The following HNF1B variants were observed in gnomAD, a reference collection of about 807,000 sequenced individuals.
HNF1B encodes hepatocyte nuclear factor 1-beta.
A neutral mutation model predicts 61.7 loss-of-function variants in HNF1B; 8 were observed. The observed-to-expected ratio is 0.13, with a 90% CI of 0.08 to 0.23. The LOEUF (loss-of-function observed/expected upper bound fraction) is 0.23, where lower values mean the gene tolerates loss of function less well. Among genes scored for constraint, HNF1B ranks in the 10% least tolerant of loss-of-function variants. The pLI, the probability that HNF1B is intolerant of heterozygous loss-of-function variation, is 1.00. For synonymous variants in HNF1B, 314 were observed against 287.7 expected (o/e 1.09, Z -0.93); for missense variants, 562 against 714.5 (o/e 0.79, Z 2.43).
chr17:37,726,351 G>C (rs942300412), intron 4 of HNF1B, among the ~76,000 whole-genome samples: 1 of 152,216 alleles, frequency 6.6e-6, no homozygotes, highest in Non-Finnish European at 1.5e-5. Context: ...GATGACACTA[G>C]AGATGGCTCC....
intron 8 of HNF1B, among the ~76,000 whole-genome samples, chr17:37,688,543 A>T (rs1173767742): frequency 6.6e-6 from 1 of 152,158 alleles, no homozygotes; most frequent in Non-Finnish European, 1.5e-5. Flanking sequence ...GCTAAAAGAG[A>T]GTCAGTGAAT....
Position 37,731,617 on chromosome 17 carries a change from G to A in HNF1B, c.1023C>T (p.Ser341=), listed in dbSNP as rs1367664883. The A allele has an allele frequency of 1.1e-5, 17 of 1,613,376 alleles. No homozygotes were observed. The highest frequency in any genetic ancestry group is 1.4e-5 in the Non-Finnish European group (16 of 1,179,612). Residue 341 remains serine, a synonymous_variant, in exon 4 of 9, where the codon TCC becomes TCT. Transcript: ENST00000617811. ...SHGSPHHQPS[S]SPPNKLSGVR... is the part of the protein sequence containing the mutation. ...TACCTGACAGCTTGTTTGGAGGAGA[G>A]GAGCTGGGCTGGTGGTGGGGGGAGC...
chr17:37,688,718 C>G (rs1247842317), intron 8 of HNF1B, among the ~76,000 whole-genome samples: 1 of 152,106 alleles, frequency 6.6e-6, no homozygotes, highest in African/African-American at 2.4e-5. Context: ...AGTTTCTTCC[C>G]CTATAATATG....
chr17:37,708,114 G>C (rs1276051115), intron 5 of HNF1B, among the ~76,000 whole-genome samples: 1 of 152,182 alleles, frequency 6.6e-6, no homozygotes, highest in Non-Finnish European at 1.5e-5. Context: ...CACTACTGCT[G>C]GTGAATGACC....
intron 4 of HNF1B, among the ~76,000 whole-genome samples, chr17:37,712,272 GT>G (rs2032960194): frequency 1.3e-5 from 2 of 152,246 alleles, no homozygotes; most frequent in South Asian, 4.1e-4. Flanking sequence ...TGGTGTATTG[GT>G]TTAAGGCACT....
rs766413514 is a variant in HNF1B at position 37,731,811 on chromosome 17, C to T, written c.829G>A (p.Gly277Arg). Residue 277 changes from glycine to arginine, a missense_variant, in exon 4 of 9, where the codon GGG becomes AGG. This residue lies in a region of HNF1B where 54 missense variants were observed against 122.1 expected (regional missense o/e 0.44). Transcript: ENST00000617811. ...CCGTGGGCTTTGGAGGGGGACACCC[C>T]TCGCTGCAAACATTCTGCCCTGGGA... Reference protein sequence around the residue: ...ECNRAECLQRGVSPSKAHGLG... With the variant: ...ECNRAECLQRRVSPSKAHGLG... 1 of 1,613,074 alleles carries T rather than the reference C, an allele frequency of 6.2e-7. No homozygotes were observed. The highest frequency in any genetic ancestry group is 8.5e-7 in the Non-Finnish European group (1 of 1,179,522).
intron 7 of HNF1B, 44 bp from the exon 8 acceptor site, chr17:37,699,238 C>A: frequency 6.8e-7 from 1 of 1,467,942 alleles, no homozygotes; most frequent in Non-Finnish European, 9.6e-7. Context: ...CATACACAGG[C>A]AAAGACACAG....
chr17:37,705,711 C>T (rs572605676), intron 5 of HNF1B, among the ~76,000 whole-genome samples: 1 of 152,212 alleles, frequency 6.6e-6, no homozygotes, highest in South Asian at 2.1e-4. Flanking sequence ...GTAATACAAG[C>T]ATCTGATGGT....
Position 37,744,745 on chromosome 17 carries a change from G to T in HNF1B, c.140C>A (p.Pro47His). 1 of 1,613,556 alleles carries T rather than the reference G, an allele frequency of 6.2e-7. No homozygotes were observed. The highest frequency in any genetic ancestry group is 2.2e-5 in the East Asian group (1 of 44,882). ...PNFGVKLETL[P>H]LSPGSGAEPD... ...CTCGGCCCCGCTGCCAGGGGACAGG[G>T]GCAGCGTCTCCAGCTTCACCCCGAA... The change falls in exon 1 of 9, where the codon CCC becomes CAC. Residue 47 changes from proline to histidine, a missense_variant. Physicochemically the swap from Pro to His is moderately conservative, Grantham distance 77. This residue lies in a region of HNF1B where 148 missense variants were observed against 147.3 expected (regional missense o/e 1.00). Transcript: ENST00000617811.
chr17:37,693,913 A>T (rs2032289708), intron 8 of HNF1B, among the ~76,000 whole-genome samples: 1 of 152,074 alleles, frequency 6.6e-6, no homozygotes, highest in Non-Finnish European at 1.5e-5. Flanking sequence ...CTTGCTCTTT[A>T]TCTCACCATA....
chr17:37,725,598 C>T (rs1272610950), intron 4 of HNF1B, among the ~76,000 whole-genome samples: 2 of 152,224 alleles, frequency 1.3e-5, no homozygotes, highest in Non-Finnish European at 1.5e-5. Context: ...CCACCCATGT[C>T]CGCCACTAAA....
chr17:37,705,296 C>T (rs1048244379), intron 5 of HNF1B, among the ~76,000 whole-genome samples: 18 of 66,204 alleles, frequency 2.7e-4, no homozygotes, highest in Non-Finnish European at 4.2e-4. Flanking sequence ...ATGGTGAAAT[C>T]ATCTCTACAA....
intron 3 of HNF1B, among the ~76,000 whole-genome samples, chr17:37,732,459 C>T (rs968664579): frequency 6.6e-6 from 1 of 152,196 alleles, no homozygotes; most frequent in Non-Finnish European, 1.5e-5. Context: ...GTATGGAGCA[C>T]AGCCTGAGGA....
rs758130759 is a variant in HNF1B, at chr17:37,699,149, C to T, written c.1580G>A (p.Arg527Gln). The change falls in exon 8 of 9, where the codon CGG (arginine) becomes CAG (glutamine). Residue 527 changes from arginine (R) to glutamine (Q), a missense_variant. This residue lies in a region of HNF1B where 64 missense variants were observed against 96.9 expected (regional missense o/e 0.66). Transcript: ENST00000617811. ...QEPPQYSHTS[R>Q]FPSAMVVTDT... Reference sequence around the variant, plus strand: ...TGTGACCACCATTGCAGATGGAAACCGGGAGGTGTGGGAATACTGGGGGGG... The same window carrying T: ...TGTGACCACCATTGCAGATGGAAACTGGGAGGTGTGGGAATACTGGGGGGG... 1.2e-5 allele frequency: 20 copies of T among 1,613,952 alleles called. No individual in the cohort carries two copies. Among genetic ancestry groups the T allele is most frequent in the East Asian group, 2.2e-5 (1 of 44,900 alleles).
intron 4 of HNF1B, among the ~76,000 whole-genome samples, chr17:37,717,840 T>A (rs371387409): frequency 6.6e-6 from 1 of 152,224 alleles, no homozygotes; most frequent in South Asian, 2.1e-4. Flanking sequence ...TAGTTCTTAT[T>A]AATATTTCCT....
chr17:37,706,903 A>C (rs957150956), intron 5 of HNF1B, among the ~76,000 whole-genome samples: 1 of 152,176 alleles, frequency 6.6e-6, no homozygotes, highest in African/African-American at 2.4e-5. Context: ...ATAATGACAC[A>C]AGTAGGGCAG....
In HNF1B at chr17:37,715,621, G is replaced by C. The variant is rs758653070; in HGVS notation, c.1046-4958C>G. On this transcript the variant is annotated intron_variant, in intron 4 of 8. Transcript: ENST00000617811. The stretch of plus-strand genomic sequence containing the variant: ...CCGCCTCGGTCCACTGTGTGCACTG[G>C]TAAGACACATCCATGCAATATGGAG... Among the ~76,000 whole-genome samples, 11 of 152,142 alleles carry C rather than the reference G, an allele frequency of 7.2e-5. 1 individual carries two copies. The highest frequency in any genetic ancestry group is 3.2e-3 in the Middle Eastern group (1 of 316).
intron 4 of HNF1B, 37 bp from the exon 5 acceptor site, chr17:37,710,700 G>T (rs774977957): frequency 8.1e-6 from 13 of 1,598,342 alleles, no homozygotes; most frequent in Admixed American, 1.7e-5. Flanking sequence ...GAACATTAGT[G>T]CCACCAGGGT....
chr17:37,697,798 C>T (rs925667949), intron 8 of HNF1B, among the ~76,000 whole-genome samples: 1 of 152,174 alleles, frequency 6.6e-6, no homozygotes. Context: ...AGGTCCCACA[C>T]ACCTCTCCCT....
Sources: gnomAD v4.1 joint callset for allele counts (sites outside exome capture counted in the v4.1 genomes callset) on GRCh38, gnomAD v4.1.1 for gene constraint, gnomAD v4.1.1 regional missense constraint, MANE v1.5 for transcripts, NCBI Gene and HGNC (gene_info 2026-07-23, HGNC 2026-07-21) for gene names.